Variants in PDE1C observed in about 807,000 individuals in gnomAD.
PDE1C encodes the protein dual specificity calcium/calmodulin-dependent 3',5'-cyclic nucleotide phosphodiesterase 1C.
Under a neutral mutation model 93.1 loss-of-function variants are expected in PDE1C, and 62 were observed. The ratio of observed to expected loss-of-function variants is 0.67; its 90% CI spans 0.54 to 0.82. The LOEUF is 0.82. Among genes scored for constraint, PDE1C ranks in the 40% least tolerant of loss-of-function variants. The pLI is 0.00. For synonymous variants in PDE1C, 325 were observed against 310.1 expected (o/e 1.05, Z -0.50); for missense variants, 742 against 884.6 (o/e 0.84, Z 2.04).
In PDE1C at chr7:32,331,184, C is replaced by T. The variant is rs191943767; in HGVS notation, c.310+96638G>A. ...TTCCTTTTAAATACAAACAGGGTGG[C>T]CTCGGGGATAGTGAGAAGCTCCATC... On this transcript the variant is annotated intron_variant, in intron 1 of 1. Transcript: ENST00000672256. 1.6e-4 allele frequency among the ~76,000 whole-genome samples: 24 copies of T among 152,276 alleles called. No individual in the cohort carries two copies. In the East Asian group the frequency reaches 3.7e-3, roughly 23 times the overall value.
chr7:32,156,212 C>G (rs529356202), intron 3 of PDE1C, among the ~76,000 whole-genome samples: 114 of 152,230 alleles, frequency 7.5e-4, no homozygotes, highest in Non-Finnish European at 1.2e-3. Flanking sequence ...TGGTGGTTTG[C>G]TGCACCTATC....
chr7:32,235,367 T>C (rs10216007), intron 1 of PDE1C, among the ~76,000 whole-genome samples: 40,208 of 151,570 alleles, frequency 0.27, 6,405 homozygotes, highest in East Asian at 0.39. Context: ...TTAAAACTGG[T>C]CTTATTCATA....
intron 16 of PDE1C, among the ~76,000 whole-genome samples, chr7:31,782,170 T>C (rs1285753858): frequency 6.6e-6 from 1 of 152,118 alleles, no homozygotes; most frequent in Non-Finnish European, 1.5e-5. Flanking sequence ...AGCCACAGAA[T>C]AAAATATTAT....
At chr7:31,935,060 C>T (rs1389726495) in intron 2 of PDE1C, among the ~76,000 whole-genome samples, 1 of 151,734 alleles carries the variant, frequency 6.6e-6, no homozygotes, top group Admixed American at 6.6e-5. Context: ...TTGTTTTTAT[C>T]TTATAACCTT....
chr7:31,855,986 T>C (rs1436476879), intron 7 of PDE1C, among the ~76,000 whole-genome samples: 1 of 152,136 alleles, frequency 6.6e-6, no homozygotes, highest in Non-Finnish European at 1.5e-5. Context: ...AAGGATTTTC[T>C]CTTGGAAATG....
chr7:31,642,451 T>C, the PDE1C span, among the ~76,000 whole-genome samples: 2 of 152,220 alleles, frequency 1.3e-5, no homozygotes, highest in Admixed American at 1.3e-4. Context: ...GGAGTCATAT[T>C]AGACAAGGTG....
the PDE1C span, among the ~76,000 whole-genome samples, chr7:31,727,800 G>C: frequency 6.6e-6 from 1 of 152,148 alleles, no homozygotes; most frequent in Non-Finnish European, 1.5e-5. Context: ...ACAGCAGTTT[G>C]GGAGGCCCAG....
chr7:32,030,643 A>G (rs548875744), intron 2 of PDE1C, among the ~76,000 whole-genome samples: 157 of 152,206 alleles, frequency 1.0e-3, no homozygotes, highest in African/African-American at 3.7e-3. Context: ...GGACTTTCTG[A>G]TCTTCCCCTG....
At chr7:31,702,225 A>G in the PDE1C span, among the ~76,000 whole-genome samples, 84 of 149,038 alleles carry the variant, frequency 5.6e-4, no homozygotes, top group East Asian at 0.014. Flanking sequence ...TTTTGCCTCT[A>G]CCAATAGATT....
chr7:32,142,446 C>T (rs535174559), intron 3 of PDE1C, among the ~76,000 whole-genome samples: 2 of 152,250 alleles, frequency 1.3e-5, no homozygotes, highest in South Asian at 2.1e-4. Flanking sequence ...ATGGGACAAA[C>T]TTCTCCAGAA....
intron 3 of PDE1C, among the ~76,000 whole-genome samples, chr7:32,085,080 G>T (rs1424584158): frequency 7.0e-6 from 1 of 143,300 alleles, no homozygotes; most frequent in Non-Finnish European, 1.5e-5. Flanking sequence ...TTTTTGAAAG[G>T]ATCAACAAAA....
intron 11 of PDE1C, among the ~76,000 whole-genome samples, chr7:31,836,281 A>T (rs1173660286): frequency 1.3e-5 from 2 of 152,166 alleles, no homozygotes; most frequent in Admixed American, 6.5e-5. Context: ...CTCTAGTTCC[A>T]TGCAATTTTA....
intron 1 of PDE1C, among the ~76,000 whole-genome samples, chr7:32,243,154 A>C (rs1808669153): frequency 6.6e-6 from 1 of 152,190 alleles, no homozygotes; most frequent in African/African-American, 2.4e-5. Flanking sequence ...GGTCTTGCCT[A>C]GATCACACAG....
At chr7:31,796,939 T>C (rs955169094) in intron 16 of PDE1C, among the ~76,000 whole-genome samples, 12 of 151,768 alleles carry the variant, frequency 7.9e-5, no homozygotes, top group Non-Finnish European at 1.8e-4. Context: ...AAAAATAATA[T>C]TACAACTCTC....
At chr7:31,636,956 G>A in the PDE1C span, among the ~76,000 whole-genome samples, 7 of 136,920 alleles carry the variant, frequency 5.1e-5, no homozygotes, top group African/African-American at 1.1e-4. Flanking sequence ...TTATTGTTCA[G>A]TTCCCACCTA....
intron 15 of PDE1C, 76 bp downstream of exon 15, chr7:31,815,848 G>C: frequency 9.2e-7 from 1 of 1,091,012 alleles, no homozygotes; most frequent in Non-Finnish European, 1.4e-6. Flanking sequence ...CCCATCAGTA[G>C]GGTTGTTCAC....
chr7:32,241,013 A>G (rs529140091), intron 1 of PDE1C, among the ~76,000 whole-genome samples: 1 of 152,338 alleles, frequency 6.6e-6, no homozygotes, highest in African/African-American at 2.4e-5. Flanking sequence ...GGCCTGAGCA[A>G]CTGCAAGAAC....
At chr7:32,018,478 T>C (rs1044024253) in intron 2 of PDE1C, among the ~76,000 whole-genome samples, 4 of 152,144 alleles carry the variant, frequency 2.6e-5, no homozygotes, top group Admixed American at 1.3e-4. Flanking sequence ...TGGAATATTA[T>C]TTGGTGGTAA....
the PDE1C span, chr7:31,695,454 T>C: frequency 6.3e-7 from 1 of 1,589,602 alleles, no homozygotes; most frequent in African/African-American, 1.4e-5. Flanking sequence ...TTTCTTTGTA[T>C]CCTGTCAAAA....
Sources: gnomAD v4.1 joint callset for allele counts (sites outside exome capture counted in the v4.1 genomes callset) on GRCh38, gnomAD v4.1.1 for gene constraint, MANE v1.5 for transcripts, NCBI Gene and HGNC (gene_info 2026-07-23, HGNC 2026-07-21) for gene names.